Variants in GABRG3 observed in about 807,000 individuals in gnomAD.
GABRG3 encodes the protein gamma-aminobutyric acid type A receptor subunit gamma3.
In GABRG3, 25 loss-of-function variants were observed where a neutral mutation model predicts 48.8. The observed-to-expected ratio is 0.51, with a 90% CI of 0.37 to 0.72. The LOEUF is 0.72. Among genes scored for constraint, GABRG3 ranks in the 30% least tolerant of loss-of-function variants. GABRG3 has a pLI of 0.00. For missense variants in GABRG3, 394 were observed against 577.9 expected (o/e 0.68, Z 3.26); for synonymous variants, 227 against 217.6 (o/e 1.04, Z -0.38).
At chr15:27,532,307 C>T (rs549799266) in intron 9 of GABRG3, among the ~76,000 whole-genome samples, 1 of 151,872 alleles carries the variant, frequency 6.6e-6, no homozygotes, top group African/African-American at 2.4e-5. Flanking sequence ...CCAGGGGTCT[C>T]CTCTCTCAGC....
At position 27,319,652 on chromosome 15, in the gene GABRG3, G is replaced by A. The variant is rs74004978; in HGVS notation, c.271-7157G>A. Among the ~76,000 whole-genome samples, 9,911 of 152,168 alleles carry A rather than the reference G, an allele frequency of 0.065. 1,065 individuals are homozygous for A. The highest frequency in any genetic ancestry group is 0.23 in the African/African-American group (9,388 of 41,476). Reference sequence around the variant, plus strand: ...CGAGGCTGGATAAGAGGGTGTCCAGGCGTGGGCAGAGCACAAATGGGATGG... The same window carrying A: ...CGAGGCTGGATAAGAGGGTGTCCAGACGTGGGCAGAGCACAAATGGGATGG... On this transcript the variant is annotated intron_variant, in intron 3 of 9. Transcript: ENST00000615808. The surrounding 1 kb of genome is among the most constrained non-coding windows in gnomAD (Gnocchi z 4.4).
intron 3 of GABRG3, among the ~76,000 whole-genome samples, chr15:27,159,477 A>G (rs1170632704): frequency 6.6e-6 from 1 of 151,876 alleles, no homozygotes; most frequent in South Asian, 2.1e-4. Flanking sequence ...GTGAGACTCC[A>G]TCTTAAAAAA....
intron 5 of GABRG3, among the ~76,000 whole-genome samples, chr15:27,476,330 T>C (rs1168624216): frequency 6.6e-6 from 1 of 152,038 alleles, no homozygotes; most frequent in African/African-American, 2.4e-5. Flanking sequence ...GAAACTATCA[T>C]TGGAGAATTC....
intron 5 of GABRG3, among the ~76,000 whole-genome samples, chr15:27,446,211 G>GT (rs1888940872): frequency 6.6e-6 from 1 of 152,034 alleles, no homozygotes; most frequent in Non-Finnish European, 1.5e-5. Context: ...AAATTGCATC[G>GT]TATCTATAGA....
chr15:27,249,259 AC>A (rs2140458681), intron 3 of GABRG3, among the ~76,000 whole-genome samples: 1 of 152,216 alleles, frequency 6.6e-6, no homozygotes, highest in South Asian at 2.1e-4. Flanking sequence ...CAGGCCAAGG[AC>A]CAAAACCAGA....
chr15:27,311,444 A>G (rs1892989306), intron 3 of GABRG3, among the ~76,000 whole-genome samples: 1 of 152,152 alleles, frequency 6.6e-6, no homozygotes, highest in South Asian at 2.1e-4. Flanking sequence ...CCTGTCTCAG[A>G]GTGCTGATGC....
chr15:27,341,543 C>T (rs148150321), intron 5 of GABRG3, among the ~76,000 whole-genome samples: 1 of 152,278 alleles, frequency 6.6e-6, no homozygotes, highest in Non-Finnish European at 1.5e-5. Flanking sequence ...CCGTTTCATC[C>T]TTACCTTGAC....
chr15:27,233,957 A>G (rs547591459), intron 3 of GABRG3, among the ~76,000 whole-genome samples: 111 of 152,256 alleles, frequency 7.3e-4, no homozygotes, highest in Non-Finnish European at 1.4e-3. Flanking sequence ...ACAATATGAC[A>G]TTTTTTCCCT....
rs1242728924 is a variant in GABRG3 at position 27,236,341 on chromosome 15, T to C, written c.271-90468T>C. ...GAGCTTCTGAGAAATAAGCATCAAA[T>C]GCTAAGGTCCCCAGCCCACTGAATG... On this transcript the variant is annotated intron_variant, in intron 3 of 9. Transcript: ENST00000615808. This position sits in a 1 kb window ranked among gnomAD's most constrained non-coding sequence, Gnocchi z 4.4. Among the ~76,000 whole-genome samples, 3 of 152,196 alleles carry C rather than the reference T, an allele frequency of 2.0e-5. No homozygotes were observed. Among genetic ancestry groups the C allele is most frequent in the South Asian group, 2.1e-4 (1 of 4,818 alleles).
At chr15:27,309,271 C>T (rs1892913448) in intron 3 of GABRG3, among the ~76,000 whole-genome samples, 1 of 150,940 alleles carries the variant, frequency 6.6e-6, no homozygotes, top group Admixed American at 6.6e-5. Flanking sequence ...CGTACACATA[C>T]ATATGTATAT....
chr15:27,011,938 A>G (rs937914671), intron 2 of GABRG3, among the ~76,000 whole-genome samples: 1 of 152,044 alleles, frequency 6.6e-6, no homozygotes, highest in Non-Finnish European at 1.5e-5. Flanking sequence ...GTTCTCACAT[A>G]TAGACTCTTA....
At chr15:27,509,362 T>G (rs1212936647) in intron 6 of GABRG3, among the ~76,000 whole-genome samples, 1 of 24,682 alleles carries the variant, frequency 4.1e-5, no homozygotes, top group Non-Finnish European at 6.5e-5. Context: ...TGGCTGATAT[T>G]TGAGCCTCTT....
In GABRG3 at chr15:27,272,215, T is replaced by G. The variant is rs376632028; in HGVS notation, c.271-54594T>G. 7.9e-5 allele frequency among the ~76,000 whole-genome samples: 12 copies of G among 152,098 alleles called. No homozygotes were observed. In the East Asian group the frequency reaches 1.2e-3, roughly 15 times the overall value. Reference sequence around the variant, plus strand: ...CTAGGTGTTTCCTTGACAAAAGGAGTTTTAGCTATTCTCACAAGGGTGAGC... The same window carrying G: ...CTAGGTGTTTCCTTGACAAAAGGAGGTTTAGCTATTCTCACAAGGGTGAGC... On this transcript the variant is annotated intron_variant, in intron 3 of 9. Transcript: ENST00000615808.
chr15:27,103,424 G>GGTCCATCCAGGGTCCACAGCAT (rs1897394593), intron 3 of GABRG3, among the ~76,000 whole-genome samples: 1 of 152,032 alleles, frequency 6.6e-6, no homozygotes, highest in Non-Finnish European at 1.5e-5. Context: ...GTCCACAGCA[G>GGTCCATCCAGGGTCCACAGCAT]GTCCATCCAG....
At chr15:27,102,316 A>G (rs933779467) in intron 3 of GABRG3, among the ~76,000 whole-genome samples, 1 of 152,168 alleles carries the variant, frequency 6.6e-6, no homozygotes, top group African/African-American at 2.4e-5. Context: ...TCTTTCTTTG[A>G]GGATTTGGAA....
intron 3 of GABRG3, among the ~76,000 whole-genome samples, chr15:27,117,160 G>A (rs915824447): frequency 6.6e-6 from 1 of 152,212 alleles, no homozygotes; most frequent in African/African-American, 2.4e-5. Flanking sequence ...AACCCAGACA[G>A]TTTGGCTTTG....
chr15:27,167,335 T>G (rs1887409977), intron 3 of GABRG3, among the ~76,000 whole-genome samples: 1 of 152,186 alleles, frequency 6.6e-6, no homozygotes, highest in Non-Finnish European at 1.5e-5. Context: ...CTCCCTGGAC[T>G]TATCTGCTGT....
At chr15:27,363,641 C>T (rs1239381974) in intron 5 of GABRG3, 1 of 152,184 alleles carries the variant, frequency 6.6e-6, no homozygotes, top group African/African-American at 2.4e-5. Flanking sequence ...CATGACAGCC[C>T]TTCAGGGGAG....
chr15:27,460,146 G>A (rs982635321), intron 5 of GABRG3, among the ~76,000 whole-genome samples: 4 of 152,084 alleles, frequency 2.6e-5, no homozygotes, highest in African/African-American at 4.8e-5. Context: ...TATTATAACC[G>A]GAAGTACCTC....
Sources: gnomAD v4.1 joint callset for allele counts (sites outside exome capture counted in the v4.1 genomes callset) on GRCh38, gnomAD v4.1.1 for gene constraint, Gnocchi (gnomAD v3.1) non-coding constraint, MANE v1.5 for transcripts, NCBI Gene and HGNC (gene_info 2026-07-23, HGNC 2026-07-21) for gene names.